The following PRRC2B variants were observed in gnomAD, a reference collection of about 807,000 sequenced individuals.
PRRC2B encodes protein PRRC2B.
PRRC2B carries 68 observed loss-of-function variants against 242.3 expected under a neutral mutation model. The observed-to-expected ratio is 0.28, with a 90% CI of 0.23 to 0.34. The LOEUF is 0.34. PRRC2B is among the 10% of genes least tolerant of loss of function. The pLI is 1.00. For synonymous variants in PRRC2B, 1,228 were observed against 1,173.6 expected, an observed-to-expected ratio of 1.05 and a Z score of -0.95; for missense variants, 2,835 against 2,954.8, an observed-to-expected ratio of 0.96 and a Z score of 0.94.
At chr9:131,416,416 T>A (rs1837654709) in intron 1 of PRRC2B, among the ~76,000 whole-genome samples, 1 of 152,188 alleles carries the variant, frequency 6.6e-6, no homozygotes, top group South Asian at 2.1e-4. Context: ...CTCTTCTACC[T>A]CTTCTAATTG....
At chr9:131,393,962 C>G (rs1836961456), upstream of PRRC2B, 1 of 151,048 alleles carries the variant, frequency 6.6e-6, no homozygotes, top group Non-Finnish European at 1.5e-5. Flanking sequence ...CCGCCGCTCC[C>G]GGGAGGCGCG....
chr9:131,463,628 C>T (rs370556791), intron 11 of PRRC2B, among the ~76,000 whole-genome samples: 4 of 125,780 alleles, frequency 3.2e-5, no homozygotes, highest in African/African-American at 6.0e-5. Context: ...TTTAGGCATG[C>T]TTTTTTTTTT....
At chr9:131,431,543 G>A (rs1838171260) in intron 2 of PRRC2B, among the ~76,000 whole-genome samples, 1 of 151,884 alleles carries the variant, frequency 6.6e-6, no homozygotes, top group South Asian at 2.1e-4. Flanking sequence ...GGGATTACAG[G>A]CATGAGCCAC....
chr9:131,397,761 G>A (rs1422862163), intron 1 of PRRC2B, among the ~76,000 whole-genome samples: 3 of 151,796 alleles, frequency 2.0e-5, no homozygotes, highest in African/African-American at 4.8e-5. Flanking sequence ...CTTCCCTACC[G>A]TGAAATGTAC....
chr9:131,469,507 G>GAGTGA (rs749952901), intron 13 of PRRC2B, among the ~76,000 whole-genome samples: 22 of 152,238 alleles, frequency 1.4e-4, no homozygotes, highest in Non-Finnish European at 2.6e-4. Flanking sequence ...TCTCTTGATT[G>GAGTGA]ATGAGCTATA....
rs566062192 is a variant in PRRC2B at position 131,482,697 on chromosome 9, CT to C, written c.5176-7del. ...CAGTCTGTGTGTCTCCACCTCTCTG[CT>C]TTTTTATCAAGGATTCAGAACAAGG... On this transcript the variant is annotated splice_polypyrimidine_tract_variant and intron_variant, in intron 21 of 31. Transcript: ENST00000683519. The surrounding 1 kb of genome is among the most constrained non-coding windows in gnomAD (Gnocchi z 5.2). 1.9e-6 allele frequency: 3 copies of C among 1,552,940 alleles called. No homozygotes were observed. Among genetic ancestry groups the C allele is most frequent in the Admixed American group, 2.0e-5 (1 of 49,838 alleles).
At chr9:131,383,910 T>C (rs977662482) in intron 1 of PRRC2B, among the ~76,000 whole-genome samples, 30 of 151,218 alleles carry the variant, frequency 2.0e-4, no homozygotes, top group African/African-American at 4.6e-4. Context: ...CATAAGTCAC[T>C]GCGCCCGGCC....
In PRRC2B at chr9:131,464,631, C is replaced by T. The variant is rs1352130157; in HGVS notation, c.1405-132C>T. 11 of 801,402 alleles carry T rather than the reference C, an allele frequency of 1.4e-5. No homozygotes were observed. In the Middle Eastern group the frequency reaches 1.9e-3, roughly 137 times the overall value. 49.6% of individuals were successfully genotyped at this position (801,402 alleles called of 1,614,324 possible). A position where few individuals can be genotyped will look rare whatever the true frequency, so the allele number is the denominator to read the frequency against. ...GAGCAGGATTCGAACCCAGCTCTGT[C>T]TGCCACACGCCTGTGCTGCCTCTTG... is the stretch of plus-strand genomic sequence containing the variant. On this transcript the variant is annotated intron_variant, in intron 11 of 31. Coordinates refer to ENST00000683519, the MANE Select transcript of PRRC2B (RefSeq NM_013318.4).
At chr9:131,484,869 C>A in intron 24 of PRRC2B, 79 bp downstream of exon 24, 1 of 1,566,132 alleles carries the variant, frequency 6.4e-7, no homozygotes, top group Non-Finnish European at 8.7e-7. Flanking sequence ...AGTCCCCGAA[C>A]CCCTAAAGCT....
At chr9:131,419,586 AG>A (rs1837743161) in intron 1 of PRRC2B, among the ~76,000 whole-genome samples, 1 of 152,164 alleles carries the variant, frequency 6.6e-6, no homozygotes, top group African/African-American at 2.4e-5. Flanking sequence ...AACCACGGTG[AG>A]GTGACAGCCG....
At position 131,483,386 on chromosome 9, in the gene PRRC2B, T is replaced by C. The variant is rs746694372; in HGVS notation, c.5401T>C (p.Ser1801Pro). Residue 1801 changes from serine to proline, a missense_variant, in exon 23 of 32, where the codon TCT (serine) becomes CCT (proline). By Grantham distance (74) the Ser-to-Pro change is moderately conservative. Transcript: ENST00000683519. Reference sequence around the variant, plus strand: ...CTCCGATTTCAGCTTGCCACCTGGTTCTGCCTCTGGTCCTACTGGGAGTCC... The same window carrying C: ...CTCCGATTTCAGCTTGCCACCTGGTCCTGCCTCTGGTCCTACTGGGAGTCC... ...KDSDFSLPPG[S>P]ASGPTGSPVV... 6.2e-7 allele frequency: 1 copy of C among 1,613,992 alleles called. No homozygotes were observed. Among genetic ancestry groups the C allele is most frequent in the South Asian group, 1.1e-5 (1 of 91,066 alleles).
In PRRC2B at chr9:131,428,429, C is replaced by T. The variant is rs111570081; in HGVS notation, c.-51-1665C>T. On this transcript the variant is annotated intron_variant, in intron 1 of 31. Coordinates refer to ENST00000683519, the MANE Select transcript of PRRC2B (RefSeq NM_013318.4). The stretch of plus-strand genomic sequence containing the variant: ...TTATTCATTTTGAGATGTAGTCTCC[C>T]TCTGTCACCCAGGCTGCAGTGCAGT... Among the ~76,000 whole-genome samples, 1,088 of 152,150 alleles carry T rather than the reference C, an allele frequency of 7.2e-3. 16 individuals carry two copies. The highest frequency in any genetic ancestry group is 0.023 in the African/African-American group (966 of 41,498).
chr9:131,420,468 TCTTTCTTTCTTTCTTTC>T (rs1564278513), intron 1 of PRRC2B, among the ~76,000 whole-genome samples: 12 of 10,374 alleles, frequency 1.2e-3, no homozygotes, highest in South Asian at 8.6e-3. Flanking sequence ...TTTCTTTCTT[TCTTTCTTTCTTTCTTTC>T]TTTCTTTCTT....
rs1161272177 is a variant in PRRC2B, at chr9:131,482,997, A to C, written c.5373+90A>C. 1 of 1,406,772 alleles carries C rather than the reference A, an allele frequency of 7.1e-7. No individual in the cohort carries two copies. The highest frequency in any genetic ancestry group is 9.7e-7 in the Non-Finnish European group (1 of 1,026,262). 87.1% of individuals were successfully genotyped at this position (1,406,772 alleles called of 1,614,324 possible). On this transcript the variant is annotated intron_variant, in intron 22 of 31. Transcript: ENST00000683519. This position sits in a 1 kb window ranked among gnomAD's most constrained non-coding sequence, Gnocchi z 5.2. Reference sequence around the variant, plus strand: ...GGGGGCTCAGATGGGATTGTCTCCTAGAAGGAATAGAAGGATGGGAGCCAA... The same window carrying C: ...GGGGGCTCAGATGGGATTGTCTCCTCGAAGGAATAGAAGGATGGGAGCCAA...
chr9:131,448,805 A>G (rs1346144519), intron 9 of PRRC2B, among the ~76,000 whole-genome samples: 2 of 151,974 alleles, frequency 1.3e-5, no homozygotes. Context: ...TTTATTTTCA[A>G]GTAGATTTAA....
intron 9 of PRRC2B, among the ~76,000 whole-genome samples, chr9:131,452,780 G>A (rs1466718066): frequency 6.6e-6 from 1 of 152,152 alleles, no homozygotes; most frequent in Non-Finnish European, 1.5e-5. Flanking sequence ...TTGTCTTACA[G>A]CCAGAGAGCA....
At chr9:131,455,451 C>G (rs532300414) in intron 10 of PRRC2B, among the ~76,000 whole-genome samples, 12 of 151,124 alleles carry the variant, frequency 7.9e-5, no homozygotes, top group African/African-American at 2.7e-4. Flanking sequence ...TTGTGGCTGT[C>G]GTGCCCAAAA....
At chr9:131,436,829 T>A in intron 4 of PRRC2B, 107 bp downstream of exon 4, 1 of 878,282 alleles carries the variant, frequency 1.1e-6, no homozygotes, top group Non-Finnish European at 1.8e-6. Context: ...TGGTTGTGCA[T>A]GACCTGTCTA....
intron 3 of PRRC2B, among the ~76,000 whole-genome samples, chr9:131,434,725 G>GT (rs1465323140): frequency 6.6e-6 from 1 of 152,182 alleles, no homozygotes; most frequent in East Asian, 1.9e-4. Flanking sequence ...TATTGGAGGA[G>GT]TTCCCACCAG....
Sources: gnomAD v4.1 joint callset for allele counts (sites outside exome capture counted in the v4.1 genomes callset) on GRCh38, gnomAD v4.1.1 for gene constraint, Gnocchi (gnomAD v3.1) non-coding constraint, MANE v1.5 for transcripts, NCBI Gene and HGNC (gene_info 2026-07-23, HGNC 2026-07-21) for gene names.